Variants in NETO1 observed in about 807,000 individuals in gnomAD.
NETO1 encodes the protein neuropilin and tolloid like 1.
A neutral mutation model predicts 61.3 loss-of-function variants in NETO1; 26 were observed. The ratio of observed to expected loss-of-function variants is 0.42; its 90% CI spans 0.31 to 0.59. NETO1 has a LOEUF of 0.59. NETO1 is among the 20% of genes least tolerant of loss of function. The pLI is 0.12. For missense variants in NETO1, 531 were observed against 662.8 expected (o/e 0.80, Z 2.18); for synonymous variants, 225 against 225.8 (o/e 1.00, Z 0.03).
At chr18:72,815,193 A>T (rs2072994446) in intron 4 of NETO1, among the ~76,000 whole-genome samples, 1 of 152,214 alleles carries the variant, frequency 6.6e-6, no homozygotes, top group Non-Finnish European at 1.5e-5. Context: ...CACAGTAAAA[A>T]TCAAAATCTG....
At chr18:72,791,561 A>G (rs991480338) in intron 6 of NETO1, among the ~76,000 whole-genome samples, 1 of 152,200 alleles carries the variant, frequency 6.6e-6, no homozygotes, top group African/African-American at 2.4e-5. Flanking sequence ...GGGTCACAGA[A>G]TGCCAAATTC....
At chr18:72,852,137 A>G (rs1189486754) in intron 4 of NETO1, among the ~76,000 whole-genome samples, 2 of 152,190 alleles carry the variant, frequency 1.3e-5, no homozygotes, top group Non-Finnish European at 2.9e-5. Flanking sequence ...ATATAAACAC[A>G]CTTAAGTACT....
chr18:72,794,281 G>A (rs1450617064), intron 5 of NETO1, 37 bp from the exon 6 acceptor site: 1 of 1,613,724 alleles, frequency 6.2e-7, no homozygotes, highest in Non-Finnish European at 8.5e-7. Flanking sequence ...CACAAAAACG[G>A]AGCTTGAATA....
chr18:72,867,785 C>T lies in NETO1; in HGVS notation c.-494G>A, dbSNP rs1347053607. On this transcript the variant is annotated 5_prime_UTR_variant, in exon 1 of 11. Coordinates refer to ENST00000327305, the MANE Select transcript of NETO1 (RefSeq NM_138966.5). The stretch of plus-strand genomic sequence containing the variant: ...ACGGCAGCGACGGAGCGGGCGGCGG[C>T]GGCGGCGCCGGCGGCGGCGGGGTGG... 1.9e-5 allele frequency: 3 copies of T among 156,168 alleles called. No individual in the cohort carries two copies. The highest frequency in any genetic ancestry group is 5.0e-5 in the African/African-American group (2 of 40,268). 9.7% of individuals were successfully genotyped at this position (156,168 alleles called of 1,614,324 possible). A position where few individuals can be genotyped will look rare whatever the true frequency, so the allele number is the denominator to read the frequency against.
At chr18:72,863,688 T>A (rs2074649083) in intron 3 of NETO1, among the ~76,000 whole-genome samples, 14 of 152,136 alleles carry the variant, frequency 9.2e-5, no homozygotes, top group Admixed American at 9.2e-4. Flanking sequence ...ATAGAGAGTC[T>A]TAAAATTGGG....
intron 6 of NETO1, among the ~76,000 whole-genome samples, chr18:72,789,801 T>A (rs1471391566): frequency 6.6e-6 from 1 of 152,180 alleles, no homozygotes; most frequent in African/African-American, 2.4e-5. Flanking sequence ...CTTTCATTCA[T>A]GTCTAAAGAA....
At chr18:72,797,821 C>A (rs1368506929) in intron 4 of NETO1, among the ~76,000 whole-genome samples, 1 of 152,202 alleles carries the variant, frequency 6.6e-6, no homozygotes, top group Non-Finnish European at 1.5e-5. Context: ...ACACCCCAGG[C>A]TGTTCCTATC....
Position 72,809,498 on chromosome 18 carries a change from T to C in NETO1, c.470-15094A>G, listed in dbSNP as rs138864614. 8.1e-3 allele frequency among the ~76,000 whole-genome samples: 1,236 copies of C among 152,290 alleles called. 16 individuals are homozygous for C. The highest frequency in any genetic ancestry group is 9.1e-3 in the Non-Finnish European group (620 of 68,032). On this transcript the variant is annotated intron_variant, in intron 4 of 10. Transcript: ENST00000327305. ...TACAAAGCAGTAGTATTTGCACGTA[T>C]CAACTAGTTAATAGAGTGGATATGG... is the stretch of plus-strand genomic sequence containing the variant.
At chr18:72,779,395 C>T (rs1223423961) in intron 7 of NETO1, among the ~76,000 whole-genome samples, 1 of 151,916 alleles carries the variant, frequency 6.6e-6, no homozygotes, top group East Asian at 1.9e-4. Context: ...TCACCCTCTA[C>T]AAGAACCAAA....
At chr18:72,796,739 C>T (rs1599017812) in intron 4 of NETO1, among the ~76,000 whole-genome samples, 1 of 151,966 alleles carries the variant, frequency 6.6e-6, no homozygotes, top group East Asian at 1.9e-4. Context: ...GCTGGGATTA[C>T]AGGCGTGAGC....
intron 4 of NETO1, among the ~76,000 whole-genome samples, chr18:72,857,994 T>C (rs927356556): frequency 1.3e-5 from 2 of 152,168 alleles, no homozygotes; most frequent in Non-Finnish European, 2.9e-5. Flanking sequence ...ACTTTACATA[T>C]ATTTGAAATT....
rs765307656 is a variant in NETO1 at position 72,858,809 on chromosome 18, T to C, written c.469+17A>G. 28 of 1,573,146 alleles carry C rather than the reference T, an allele frequency of 1.8e-5. No individual in the cohort carries two copies. The highest frequency in any genetic ancestry group is 2.8e-5 in the African/African-American group (2 of 72,472). On this transcript the variant is annotated intron_variant, in intron 4 of 10. Transcript: ENST00000327305. Reference sequence around the variant, plus strand: ...ATGAGGAAGAAAAAGAAATTTTTTTTTTAAGTACTTACTTACCAGGTGTGA... The same window carrying C: ...ATGAGGAAGAAAAAGAAATTTTTTTCTTAAGTACTTACTTACCAGGTGTGA...
intron 7 of NETO1, among the ~76,000 whole-genome samples, chr18:72,756,833 C>T (rs1334861046): frequency 6.6e-6 from 1 of 151,936 alleles, no homozygotes; most frequent in East Asian, 1.9e-4. Flanking sequence ...AAAATATGAA[C>T]TTCAAGAAGG....
In NETO1 at chr18:72,830,436, T is replaced by TG. The variant is rs2073538002; in HGVS notation, c.469+28389dup. 1.3e-5 allele frequency among the ~76,000 whole-genome samples: 2 copies of TG among 152,088 alleles called. No homozygotes were observed. Among genetic ancestry groups the TG allele is most frequent in the South Asian group, 4.1e-4 (2 of 4,830 alleles). On this transcript the variant is annotated intron_variant, in intron 4 of 10. Coordinates refer to ENST00000327305, the MANE Select transcript of NETO1 (RefSeq NM_138966.5). The surrounding 1 kb of genome is among the most constrained non-coding windows in gnomAD (Gnocchi z 4.9). ...AAAAATTTTGTGAGATCACCTTTGCTGGGCGGTGAAAGGGACCAGGGCATC... is the reference window on the plus strand; with the variant it reads ...AAAAATTTTGTGAGATCACCTTTGCTGGGGCGGTGAAAGGGACCAGGGCATC...
rs1016883416 is a variant in NETO1, at chr18:72,783,770, A to G, written c.776T>C (p.Met259Thr). ...KFCSTVANDV[M>T]LRTGLGVIRM... Reference sequence around the variant, plus strand: ...GATCACCCCAAGACCCGTGCGTAGCATGACATCATTAGCCACAGTGCTACA... The same window carrying G: ...GATCACCCCAAGACCCGTGCGTAGCGTGACATCATTAGCCACAGTGCTACA... Residue 259 changes from methionine to threonine, a missense_variant, in exon 7 of 11, where the codon ATG becomes ACG. Coordinates refer to ENST00000327305, the MANE Select transcript of NETO1 (RefSeq NM_138966.5). 1.9e-6 allele frequency: 3 copies of G among 1,614,236 alleles called. No homozygotes were observed. The highest frequency in any genetic ancestry group is 2.2e-5 in the East Asian group (1 of 44,882).
chr18:72,840,873 A>G (rs191474690), intron 4 of NETO1, among the ~76,000 whole-genome samples: 232 of 152,308 alleles, frequency 1.5e-3, no homozygotes, highest in African/African-American at 5.3e-3. Context: ...GAACAGGTGA[A>G]CGTCAACTAT....
chr18:72,757,786 T>C (rs1253118233), intron 7 of NETO1, among the ~76,000 whole-genome samples: 1 of 152,190 alleles, frequency 6.6e-6, no homozygotes, highest in Non-Finnish European at 1.5e-5. Flanking sequence ...CTGACTATAA[T>C]GGCTTTTGCA....
chr18:72,790,128 A>G (rs1335057494), intron 6 of NETO1, among the ~76,000 whole-genome samples: 1 of 152,156 alleles, frequency 6.6e-6, no homozygotes, highest in African/African-American at 2.4e-5. Flanking sequence ...TGTGTAAGCT[A>G]GAGTTTTATT....
At chr18:72,774,452 C>T (rs1264629234) in intron 7 of NETO1, among the ~76,000 whole-genome samples, 2 of 152,014 alleles carry the variant, frequency 1.3e-5, no homozygotes, top group East Asian at 3.9e-4. Context: ...TATAATCATT[C>T]CTTTAAAATT....
Sources: gnomAD v4.1 joint callset for allele counts (sites outside exome capture counted in the v4.1 genomes callset) on GRCh38, gnomAD v4.1.1 for gene constraint, Gnocchi (gnomAD v3.1) non-coding constraint, MANE v1.5 for transcripts, NCBI Gene and HGNC (gene_info 2026-07-23, HGNC 2026-07-21) for gene names.